Variants in LENG8 observed in about 807,000 individuals in gnomAD.
The protein encoded by LENG8 is leukocyte receptor cluster member 8.
A neutral mutation model predicts 102.1 loss-of-function variants in LENG8; 28 were observed. The observed-to-expected ratio is 0.27, with a 90% CI of 0.20 to 0.38. The LOEUF is 0.38. LENG8 is among the 10% of genes least tolerant of loss of function. LENG8 has a pLI of 1.00. For synonymous variants in LENG8, 531 were observed against 456.7 expected (o/e 1.16, Z -2.07); for missense variants, 1,022 against 1,113.9 (o/e 0.92, Z 1.17).
chr19:54,455,030 C>T lies in LENG8; in HGVS notation c.759C>T (p.Asn253=), dbSNP rs764439487. ...FAVTTQSFGS[N]AEGQHSGFGP... Reference sequence around the variant, plus strand: ...TTACCACCCAGAGCTTTGGCTCCAACGCAGAGGGCCAGCACAGTGGTTTTG... The same window carrying T: ...TTACCACCCAGAGCTTTGGCTCCAATGCAGAGGGCCAGCACAGTGGTTTTG... Residue 253 remains asparagine, a synonymous_variant, in exon 7 of 16, where the codon AAC becomes AAT. Transcript: ENST00000326764. 9.3e-6 allele frequency: 15 copies of T among 1,614,082 alleles called. No homozygotes were observed. Among genetic ancestry groups the T allele is most frequent in the South Asian group, 4.4e-5 (4 of 91,092 alleles).
At chr19:54,457,617 A>T (rs1569302056) in intron 11 of LENG8, 130 bp from the exon 12 acceptor site, 5 of 708,842 alleles carry the variant, frequency 7.1e-6, no homozygotes, top group Non-Finnish European at 1.0e-5. Context: ...CTGGGATTAC[A>T]GGCGTGAGCC....
chr19:54,458,371 C>A lies in LENG8; in HGVS notation c.2090C>A (p.Ala697Asp). The change falls in exon 15 of 16, where the codon GCC becomes GAC. Residue 697 changes from alanine to aspartate, a missense_variant. By Grantham distance (126) the Ala-to-Asp change is moderately radical. Transcript: ENST00000326764. ...TRELKADPCV[A>D]HALALRTAWA... ...GAACTGAAGGCAGATCCTTGCGTGG[C>A]CCACGCCTTGGCATTAAGGACAGCC... The A allele has an allele frequency of 6.2e-7, 1 of 1,614,198 alleles. No homozygotes were observed. The highest frequency in any genetic ancestry group is 1.1e-5 in the South Asian group (1 of 91,090).
At position 54,459,434 on chromosome 19, in the gene LENG8, C is replaced by T. The variant is rs375252366; in HGVS notation, c.2240+913C>T. On this transcript the variant is annotated intron_variant, in intron 15 of 15. Transcript: ENST00000326764. ...GTGGCCCTCCACGTGAGGTCATGGTCACAGCATGGGGGCCTTGAGTGCCTG... is the reference window on the plus strand; with the variant it reads ...GTGGCCCTCCACGTGAGGTCATGGTTACAGCATGGGGGCCTTGAGTGCCTG... 9.7e-4 allele frequency: 965 copies of T among 990,634 alleles called. 25 individuals are homozygous for T. In the South Asian group the frequency reaches 0.039, roughly 40 times the overall value. 61.4% of individuals were successfully genotyped at this position (990,634 alleles called of 1,614,324 possible).
Position 54,454,468 on chromosome 19 carries a change from G to T in LENG8, c.465G>T (p.Gln155His). 2 of 1,613,212 alleles carry T rather than the reference G, an allele frequency of 1.2e-6. No homozygotes were observed. The highest frequency in any genetic ancestry group is 1.7e-4 in the Middle Eastern group (1 of 5,978). Residue 155 changes from glutamine (Q) to histidine (H), a missense_variant, in exon 6 of 16, where the codon CAG becomes CAT. Physicochemically the swap from Gln to His is conservative, Grantham distance 24 (BLOSUM62 0). This residue lies in a region of LENG8 where 343 missense variants were observed against 320.2 expected (regional missense o/e 1.07). Coordinates refer to ENST00000326764, the MANE Select transcript of LENG8 (RefSeq NM_052925.4). ...GCATGGATGAGAGCATGTCCTACCA[G>T]GCTCCCCCTCAGCAGCTGCCGTCGG... ...VPGMDESMSY[Q>H]APPQQLPSAQ... is the part of the protein sequence containing the mutation.
At chr19:54,455,312 CTT>C (rs546582903) in intron 7 of LENG8, 50 bp from the exon 8 acceptor site, 2 of 1,596,436 alleles carry the variant, frequency 1.3e-6, no homozygotes, top group East Asian at 2.2e-5. Flanking sequence ...TGGGGATGGT[CTT>C]TTGAGTTTGG....
chr19:54,460,593 CGG>C, intron 15 of LENG8, 171 bp from the exon 16 acceptor site: 1 of 1,413,560 alleles, frequency 7.1e-7, no homozygotes, highest in African/African-American at 1.5e-5. Context: ...TAACCCCCCC[CGG>C]GCCCCCCCCG....
chr19:54,455,284 G>A (rs1362723792), intron 7 of LENG8, 80 bp from the exon 8 acceptor site: 1 of 1,548,738 alleles, frequency 6.5e-7, no homozygotes, highest in Non-Finnish European at 8.9e-7. Context: ...GTCCCGCTGT[G>A]TCAGCTCAGA....
At chr19:54,458,849 C>T (rs1405763670) in intron 15 of LENG8, 1 of 1,550,744 alleles carries the variant, frequency 6.4e-7, no homozygotes, top group Middle Eastern at 1.7e-4. Context: ...TTGCCCTGGG[C>T]TTCCTCAGAA....
chr19:54,451,437 C>A, intron 2 of LENG8, 55 bp downstream of exon 2: 2 of 1,570,318 alleles, frequency 1.3e-6, no homozygotes, highest in South Asian at 2.2e-5. Context: ...GAAGCAAGAC[C>A]CAGTGCTGTC....
rs774753139 is a variant in LENG8, at chr19:54,456,763, C to T, written c.1573C>T (p.Arg525Cys). The stretch of plus-strand genomic sequence containing the variant: ...CCAGCACGGACACTCCCGCCGCCTG[C>T]GCCTCGAGCCCCTGGTGCTGCAGAT... Reference protein sequence around the residue: ...RFQHGHSRRLRLEPLVLQMSS... With the variant: ...RFQHGHSRRLCLEPLVLQMSS... Residue 525 changes from arginine to cysteine, a missense_variant, in exon 11 of 16, where the codon CGC becomes TGC. This residue lies in a region of LENG8 where 326 missense variants were observed against 324.5 expected (regional missense o/e 1.00). Coordinates refer to ENST00000326764, the MANE Select transcript of LENG8 (RefSeq NM_052925.4). 3.7e-6 allele frequency: 6 copies of T among 1,611,292 alleles called. No individual in the cohort carries two copies. Among genetic ancestry groups the T allele is most frequent in the Admixed American group, 1.7e-5 (1 of 59,858 alleles).
Position 54,455,503 on chromosome 19 carries a change from C to T in LENG8, c.961C>T (p.Leu321=). The change falls in exon 8 of 16, where the codon CTG becomes TTG. Residue 321 remains leucine, a synonymous_variant. Coordinates refer to ENST00000326764, the MANE Select transcript of LENG8 (RefSeq NM_052925.4). ...CACGGAAAAGCTGCTCAAGGAGGTGCTGCAGGCGCGGCTGCAGGACGGCTC... is the reference window on the plus strand; with the variant it reads ...CACGGAAAAGCTGCTCAAGGAGGTGTTGCAGGCGCGGCTGCAGGACGGCTC... The part of the protein sequence containing the change: ...DRTEKLLKEV[L]QARLQDGSAY... 6.2e-7 allele frequency: 1 copy of T among 1,614,034 alleles called. No homozygotes were observed. Among genetic ancestry groups the T allele is most frequent in the Non-Finnish European group, 8.5e-7 (1 of 1,180,006 alleles).
At position 54,456,253 on chromosome 19, in the gene LENG8, G is replaced by A. The variant is rs774776164; in HGVS notation, c.1304+8G>A. 2 of 1,613,928 alleles carry A rather than the reference G, an allele frequency of 1.2e-6. No homozygotes were observed. Among genetic ancestry groups the A allele is most frequent in the African/African-American group, 1.3e-5 (1 of 74,928 alleles). ...GCGCCACTTCCGCAGAAGGTACTGAGGCTCCCGGCTGGGGCTGTGTGTGAG... is the reference window on the plus strand; with the variant it reads ...GCGCCACTTCCGCAGAAGGTACTGAAGCTCCCGGCTGGGGCTGTGTGTGAG... On this transcript the variant is annotated splice_region_variant and intron_variant, in intron 9 of 15. Transcript: ENST00000326764.
intron 15 of LENG8, chr19:54,459,471 C>T (rs2084422347): frequency 1.0e-6 from 1 of 984,054 alleles, no homozygotes; most frequent in Non-Finnish European, 1.2e-6. Context: ...CCAGGTGGCC[C>T]TCCACGTGAG....
rs1263411505 is a variant in LENG8, at chr19:54,456,084, G to T, written c.1143G>T (p.Gln381His). ...SATRGGGAPSQRGTPGAGGAG... is the reference protein window; with the variant it reads ...SATRGGGAPSHRGTPGAGGAG... ...CAAGGGGCGGGGGTGCCCCGTCCCA[G>T]CGAGGGACGCCCGGGGCTGGGGGTG... Residue 381 changes from glutamine to histidine, a missense_variant, in exon 9 of 16, where the codon CAG becomes CAT. This residue lies in a region of LENG8 where 326 missense variants were observed against 324.5 expected (regional missense o/e 1.00). Transcript: ENST00000326764. 3.1e-6 allele frequency: 5 copies of T among 1,608,894 alleles called. No individual in the cohort carries two copies. The South Asian group carries it at 5.5e-5, about 18-fold the overall frequency.
chr19:54,458,894 G>A (rs754985877), intron 15 of LENG8: 117 of 1,545,578 alleles, frequency 7.6e-5, no homozygotes, highest in Non-Finnish European at 9.8e-5. Flanking sequence ...TTGTCGCTGT[G>A]CTCCCACCAT....
In LENG8 at chr19:54,456,448, G is replaced by T; in HGVS notation, c.1428G>T (p.Arg476Ser). The part of the protein sequence containing the change: ...RGAHMDRGRG[R>S]AQRGKRHDLA... The stretch of plus-strand genomic sequence containing the variant: ...CCCATATGGATCGGGGCCGAGGCAG[G>T]GCGCAGCGTGGGAAGAGGTGAGACT... The change falls in exon 10 of 16, where the codon AGG (arginine) becomes AGT (serine). Residue 476 changes from arginine (R) to serine (S), a missense_variant. By Grantham distance (110) the Arg-to-Ser change is moderately radical. Transcript: ENST00000326764. 2 of 1,606,506 alleles carry T rather than the reference G, an allele frequency of 1.2e-6. No homozygotes were observed. The highest frequency in any genetic ancestry group is 1.7e-6 in the Non-Finnish European group (2 of 1,179,226).
At position 54,452,144 on chromosome 19, in the gene LENG8, G is replaced by C. The variant is rs926737930; in HGVS notation, c.90G>C (p.Glu30Asp). The C allele has an allele frequency of 1.2e-6, 2 of 1,614,184 alleles. No individual in the cohort carries two copies. The highest frequency in any genetic ancestry group is 1.7e-6 in the Non-Finnish European group (2 of 1,180,028). ...VAGAGRENGM[E>D]TPMHENPEWE... ...GGGCAGGCCGAGAGAATGGCATGGA[G>C]ACGCCGATGCACGAGAACCCGGAGT... Residue 30 changes from glutamate to aspartate, a missense_variant, in exon 3 of 16, where the codon GAG (glutamate) becomes GAC (aspartate). Physicochemically the swap from Glu to Asp is conservative, Grantham distance 45 (BLOSUM62 2). This residue lies in a region of LENG8 where 37 missense variants were observed against 46.3 expected (regional missense o/e 0.80). Coordinates refer to ENST00000326764, the MANE Select transcript of LENG8 (RefSeq NM_052925.4).
intron 4 of LENG8, among the ~76,000 whole-genome samples, chr19:54,453,035 G>C (rs777754659): frequency 6.6e-6 from 1 of 152,172 alleles, no homozygotes; most frequent in African/African-American, 2.4e-5. Flanking sequence ...CGCCAGGCCC[G>C]CTCTCGCTTT....
In LENG8 at chr19:54,457,942, C is replaced by T. The variant is rs2084336773; in HGVS notation, c.1842C>T (p.Gly614=). The T allele has an allele frequency of 1.9e-6, 3 of 1,613,914 alleles. No individual in the cohort carries two copies. The highest frequency in any genetic ancestry group is 2.5e-6 in the Non-Finnish European group (3 of 1,180,032). ...KSIRQDLTVQ[G]IRTEFTVEVY... is the part of the protein sequence containing the mutation. Reference sequence around the variant, plus strand: ...TCGCCCCGCTGCCCCAGGTGCAGGGCATCCGCACCGAGTTCACGGTGGAGG... The same window carrying T: ...TCGCCCCGCTGCCCCAGGTGCAGGGTATCCGCACCGAGTTCACGGTGGAGG... The change falls in exon 13 of 16, where the codon GGC becomes GGT. Residue 614 remains glycine, a synonymous_variant. Coordinates refer to ENST00000326764, the MANE Select transcript of LENG8 (RefSeq NM_052925.4).
Sources: gnomAD v4.1 joint callset for allele counts (sites outside exome capture counted in the v4.1 genomes callset) on GRCh38, gnomAD v4.1.1 for gene constraint, gnomAD v4.1.1 regional missense constraint, MANE v1.5 for transcripts, NCBI Gene and HGNC (gene_info 2026-07-23, HGNC 2026-07-21) for gene names.